The following RABGAP1L variants were observed in gnomAD, a reference collection of about 807,000 sequenced individuals.
RABGAP1L encodes RAB GTPase activating protein 1 like.
RABGAP1L carries 63 observed loss-of-function variants against 137.7 expected under a neutral mutation model. The ratio of observed to expected loss-of-function variants is 0.46; its 90% CI spans 0.37 to 0.56. RABGAP1L has a LOEUF of 0.56. Ranked by LOEUF, RABGAP1L falls within the 20% of genes least tolerant of loss-of-function variation. RABGAP1L has a pLI of 0.00. For missense variants in RABGAP1L, 1,095 were observed against 1,244.0 expected, an observed-to-expected ratio of 0.88 and a Z score of 1.80; for synonymous variants, 431 against 433.7, an observed-to-expected ratio of 0.99 and a Z score of 0.08.
chr1:174,405,328 C>A (rs1649133473), intron 13 of RABGAP1L, among the ~76,000 whole-genome samples: 1 of 152,056 alleles, frequency 6.6e-6, no homozygotes, highest in Non-Finnish European at 1.5e-5. Context: ...GGCAGTTTAT[C>A]CTAGTAAAAT....
chr1:174,296,666 C>T (rs1379982888), intron 10 of RABGAP1L, among the ~76,000 whole-genome samples: 1 of 152,010 alleles, frequency 6.6e-6, no homozygotes, highest in Non-Finnish European at 1.5e-5. Flanking sequence ...AGTTCCCTTG[C>T]TTTCAGTTTT....
chr1:174,467,849 T>G (rs566161047), intron 13 of RABGAP1L, among the ~76,000 whole-genome samples: 2 of 152,262 alleles, frequency 1.3e-5, no homozygotes, highest in Non-Finnish European at 2.9e-5. Flanking sequence ...AAACTGAAAC[T>G]ATATAAAGAG....
intron 13 of RABGAP1L, among the ~76,000 whole-genome samples, chr1:174,486,194 C>T (rs1659616231): frequency 6.7e-6 from 1 of 148,596 alleles, no homozygotes; most frequent in African/African-American, 2.5e-5. Flanking sequence ...CCTTTTTCAC[C>T]TCTGATTCTA....
intron 11 of RABGAP1L, among the ~76,000 whole-genome samples, chr1:174,354,506 AAG>A (rs1370013505): frequency 4.1e-4 from 62 of 152,330 alleles, no homozygotes; most frequent in African/African-American, 9.6e-5. Flanking sequence ...ACTTTAAAAA[AAG>A]AGTCATAGAT....
intron 13 of RABGAP1L, among the ~76,000 whole-genome samples, chr1:174,547,515 G>T (rs1402987266): frequency 6.6e-6 from 1 of 152,164 alleles, no homozygotes; most frequent in Admixed American, 6.5e-5. Flanking sequence ...TACTTAGGTG[G>T]CTGAGGTGGG....
chr1:174,457,751 C>T (rs1255298386), intron 13 of RABGAP1L, among the ~76,000 whole-genome samples: 1 of 152,098 alleles, frequency 6.6e-6, no homozygotes, highest in Non-Finnish European at 1.5e-5. Context: ...GATCCACCTG[C>T]CCTGGTCTTC....
At chr1:174,302,303 TG>T (rs1677787077) in intron 10 of RABGAP1L, among the ~76,000 whole-genome samples, 2 of 152,188 alleles carry the variant, frequency 1.3e-5, no homozygotes, top group South Asian at 4.1e-4. Flanking sequence ...CAGCACAAAA[TG>T]ATAACAAGAA....
At chr1:174,233,512 G>A (rs1300511116) in intron 4 of RABGAP1L, among the ~76,000 whole-genome samples, 6 of 140,774 alleles carry the variant, frequency 4.3e-5, no homozygotes, top group Admixed American at 7.0e-5. Context: ...GAGAATATGC[G>A]GTGTTTGGTT....
chr1:174,410,867 C>A (rs1156309800), intron 13 of RABGAP1L, among the ~76,000 whole-genome samples: 1 of 152,118 alleles, frequency 6.6e-6, no homozygotes, highest in Admixed American at 6.6e-5. Context: ...TCTTCCAATC[C>A]ATGATCGTGG....
At chr1:174,962,196 A>C (rs74457673) in intron 20 of RABGAP1L, among the ~76,000 whole-genome samples, 23,510 of 75,982 alleles carry the variant, frequency 0.31, 3,683 homozygotes, top group African/African-American at 0.55. Flanking sequence ...ATAAAAATAC[A>C]CCCCCCCCCC....
intron 11 of RABGAP1L, among the ~76,000 whole-genome samples, chr1:174,323,426 A>G (rs1464631285): frequency 1.3e-5 from 2 of 152,082 alleles, no homozygotes; most frequent in Non-Finnish European, 2.9e-5. Flanking sequence ...AATCTATATA[A>G]CTACACTCTT....
At chr1:174,164,833 C>T (rs1012026437) in intron 1 of RABGAP1L, among the ~76,000 whole-genome samples, 3 of 152,208 alleles carry the variant, frequency 2.0e-5, no homozygotes, top group African/African-American at 7.2e-5. Flanking sequence ...ACTAGTTTAG[C>T]CTACCCTCTT....
At chr1:174,749,225 T>G (rs376392358) in intron 17 of RABGAP1L, among the ~76,000 whole-genome samples, 15 of 150,556 alleles carry the variant, frequency 1.0e-4, no homozygotes, top group African/African-American at 3.4e-4. Flanking sequence ...ACATGTGATG[T>G]GAAGCATACA....
intron 19 of RABGAP1L, among the ~76,000 whole-genome samples, chr1:174,827,967 A>G (rs1691754617): frequency 6.7e-6 from 1 of 148,354 alleles, no homozygotes; most frequent in African/African-American, 2.5e-5. Flanking sequence ...TCTATATTGT[A>G]TTATAATAGA....
At position 174,448,751 on chromosome 1, in the gene RABGAP1L, C is replaced by G. The variant is rs1655084843; in HGVS notation, c.1710+54606C>G. On this transcript the variant is annotated intron_variant, in intron 13 of 25. Transcript: ENST00000681986. The surrounding 1 kb of genome is among the most constrained non-coding windows in gnomAD (Gnocchi z 4.2). ...CTTTATTGTTTGTTTACTTTATGCT[C>G]CTGCTGCCTTTGTTGTCTGCTTCAC... 4 of 1,613,776 alleles carry G rather than the reference C, an allele frequency of 2.5e-6. No individual in the cohort carries two copies. The highest frequency in any genetic ancestry group is 3.4e-6 in the Non-Finnish European group (4 of 1,179,716).
chr1:174,580,430 A>G (rs1253045444), intron 13 of RABGAP1L, among the ~76,000 whole-genome samples: 1 of 152,222 alleles, frequency 6.6e-6, no homozygotes, highest in African/African-American at 2.4e-5. Flanking sequence ...GCACATATAC[A>G]CCATGGAATA....
chr1:174,531,771 A>G (rs900349054), intron 13 of RABGAP1L, among the ~76,000 whole-genome samples: 9 of 151,884 alleles, frequency 5.9e-5, no homozygotes, highest in African/African-American at 1.7e-4. Context: ...AGATATACCA[A>G]AACATATTAT....
chr1:174,669,838 C>G (rs1005129261), intron 14 of RABGAP1L, among the ~76,000 whole-genome samples: 5 of 152,012 alleles, frequency 3.3e-5, no homozygotes, highest in Non-Finnish European at 7.4e-5. Flanking sequence ...TTGGGTCTAG[C>G]TTTCTGTTTT....
chr1:174,769,411 A>G (rs145251919), intron 18 of RABGAP1L, among the ~76,000 whole-genome samples: 4 of 152,262 alleles, frequency 2.6e-5, no homozygotes, highest in East Asian at 1.9e-4. Flanking sequence ...CTTAGGTTCT[A>G]TAATAGTGAT....
Sources: gnomAD v4.1 joint callset for allele counts (sites outside exome capture counted in the v4.1 genomes callset) on GRCh38, gnomAD v4.1.1 for gene constraint, Gnocchi (gnomAD v3.1) non-coding constraint, MANE v1.5 for transcripts, NCBI Gene and HGNC (gene_info 2026-07-23, HGNC 2026-07-21) for gene names.